The following ARL17B variants were observed in gnomAD, a reference collection of about 807,000 sequenced individuals.
ARL17B encodes the protein ARF like GTPase 17B.
At chr17:46,285,395 C>A (rs555563722) in intron 4 of ARL17B, among the ~76,000 whole-genome samples, 5 of 152,204 alleles carry the variant, frequency 3.3e-5, no homozygotes, top group African/African-American at 9.6e-5. Flanking sequence ...CTCACGCCAC[C>A]ACACCCGACT....
At chr17:46,283,095 G>C (rs948426235) in intron 4 of ARL17B, among the ~76,000 whole-genome samples, 1 of 152,044 alleles carries the variant, frequency 6.6e-6, no homozygotes, top group Admixed American at 6.6e-5. Flanking sequence ...CTCCAGCCTG[G>C]CAACAGGGTG....
rs889037446 is a variant in ARL17B, at chr17:46,335,286, A to AT, written c.*4213dup. Among the ~76,000 whole-genome samples, 5 of 36,820 alleles carry AT rather than the reference A, an allele frequency of 1.4e-4. 2 individuals carry two copies. Among genetic ancestry groups the AT allele is most frequent in the African/African-American group, 2.0e-4 (5 of 24,922 alleles). The allele number at this position is 36,820 out of a possible 152,430, so 24.2% of individuals were successfully genotyped here. On this transcript the variant is annotated 3_prime_UTR_variant, in exon 4 of 4. Coordinates refer to ENST00000450673, the MANE Select transcript of ARL17B (RefSeq NM_001039083.5). The stretch of plus-strand genomic sequence containing the variant: ...GTTGGTTATAAGCAAATATTACACC[A>AT]TTATATGTAAGGGATTGAGCATCCA...
intron 4 of ARL17B, among the ~76,000 whole-genome samples, chr17:46,281,100 TTGTC>T (rs1172529829): frequency 6.6e-6 from 1 of 152,112 alleles, no homozygotes; most frequent in East Asian, 1.9e-4. Flanking sequence ...GTTTTATAGA[TTGTC>T]TGTTTTATCT....
At chr17:46,282,338 C>T (rs62071631) in intron 4 of ARL17B, among the ~76,000 whole-genome samples, 12,853 of 138,710 alleles carry the variant, frequency 0.093, 1 homozygote, top group Non-Finnish European at 0.14. Flanking sequence ...CTCCTGACTT[C>T]GTGATCCGCC....
At chr17:46,282,183 A>C (rs968141969) in intron 4 of ARL17B, among the ~76,000 whole-genome samples, 1 of 151,890 alleles carries the variant, frequency 6.6e-6, no homozygotes, top group African/African-American at 2.4e-5. Context: ...GCTCACTGCA[A>C]GCTCTGTCTC....
At chr17:46,327,701 A>G (rs377723546) in intron 3 of ARL17B, among the ~76,000 whole-genome samples, 6 of 12,480 alleles carry the variant, frequency 4.8e-4, no homozygotes, top group Admixed American at 1.2e-3. Flanking sequence ...ATGTGCATCA[A>G]TGATAATCCT....
intron 4 of ARL17B, among the ~76,000 whole-genome samples, chr17:46,291,917 C>A (rs1370587186): frequency 1.3e-5 from 2 of 149,444 alleles, no homozygotes; most frequent in South Asian, 2.1e-4. Flanking sequence ...GGTGTGATTG[C>A]ACCGCTGCAC....
rs1457541873 is a variant in ARL17B at position 46,304,542 on chromosome 17, T to A, written c.260-4877A>T. 1.6e-4 allele frequency among the ~76,000 whole-genome samples: 12 copies of A among 75,578 alleles called. 5 individuals are homozygous for A. Among genetic ancestry groups the A allele is most frequent in the Non-Finnish European group, 4.8e-4 (12 of 25,210 alleles). 49.6% of individuals were successfully genotyped at this position (75,578 alleles called of 152,430 possible). A position where few individuals can be genotyped will look rare whatever the true frequency, so the allele number is the denominator to read the frequency against. On this transcript the variant is annotated intron_variant, in intron 3 of 4. Coordinates refer to the ARL17B transcript ENST00000434041. ...ATGACTGTGTGCAGGATAGTTTAGG[T>A]AGGGAGAGACTGGAGATGGAGATAT...
At chr17:46,275,744 CGTGT>C (rs913858978) in intron 4 of ARL17B, among the ~76,000 whole-genome samples, 1 of 151,798 alleles carries the variant, frequency 6.6e-6, no homozygotes, top group African/African-American at 2.4e-5. Context: ...GTGAAAGGTG[CGTGT>C]GTGTGTGTAT....
chr17:46,304,646 T>A lies in ARL17B; in HGVS notation c.260-4981A>T, dbSNP rs1411780911. ...CTGTATAACTGAAGAAATTTTTTTT[T>A]ATGAAATATTAAAGCAATACAAAAC... On this transcript the variant is annotated intron_variant, in intron 3 of 4. Coordinates refer to the ARL17B transcript ENST00000434041. Among the ~76,000 whole-genome samples, 25 of 64,504 alleles carry A rather than the reference T, an allele frequency of 3.9e-4. 4 individuals are homozygous for A. Among genetic ancestry groups the A allele is most frequent in the African/African-American group, 9.3e-4 (25 of 26,780 alleles). 42.3% of individuals were successfully genotyped at this position (64,504 alleles called of 152,430 possible). A position where few individuals can be genotyped will look rare whatever the true frequency, so the allele number is the denominator to read the frequency against.
chr17:46,274,617 A>G (rs941171701), downstream of ARL17B, among the ~76,000 whole-genome samples: 5 of 152,356 alleles, frequency 3.3e-5, no homozygotes, highest in African/African-American at 1.2e-4. Flanking sequence ...TAATTAGTTG[A>G]CAAATGAGGG....
chr17:46,302,475 C>A lies in ARL17B; in HGVS notation c.260-2810G>T, dbSNP rs1238785346. On this transcript the variant is annotated intron_variant, in intron 3 of 4. Transcript: ENST00000434041. Reference sequence around the variant, plus strand: ...TGTGGTGGTGGTGGAGAGAGATGGACACAAAAAGGAAAATATAAGAAAAGG... The same window carrying A: ...TGTGGTGGTGGTGGAGAGAGATGGAAACAAAAAGGAAAATATAAGAAAAGG... 1.2e-4 allele frequency among the ~76,000 whole-genome samples: 8 copies of A among 67,154 alleles called. 3 individuals carry two copies. The highest frequency in any genetic ancestry group is 3.5e-4 in the Non-Finnish European group (8 of 22,714). The allele number at this position is 67,154 out of a possible 152,430, so 44.1% of individuals were successfully genotyped here.
chr17:46,281,189 C>T (rs1442755809), intron 4 of ARL17B, among the ~76,000 whole-genome samples: 3 of 151,960 alleles, frequency 2.0e-5, no homozygotes, highest in South Asian at 4.1e-4. Context: ...TCCATTTGTC[C>T]ACCTGGCTTA....
intron 4 of ARL17B, among the ~76,000 whole-genome samples, chr17:46,284,495 T>G (rs2696508): frequency 0.12 from 18,475 of 152,252 alleles, 2 homozygotes; most frequent in Non-Finnish European, 0.18. Flanking sequence ...AGAACTTTTC[T>G]TAGTACAGAA....
Position 46,292,209 on chromosome 17 carries a change from G to A in ARL17B, c.*21+7317C>T, listed in dbSNP as rs1423833990. On this transcript the variant is annotated intron_variant, in intron 4 of 4. Transcript: ENST00000570618. ...TGGCTGGGTGTGGTGGTGGGCACCT[G>A]TAATCCCAGCTACTTGGGAAACTGA... 3.6e-4 allele frequency among the ~76,000 whole-genome samples: 27 copies of A among 75,066 alleles called. 5 individuals are homozygous for A. The highest frequency in any genetic ancestry group is 8.0e-4 in the African/African-American group (24 of 29,824). 49.2% of individuals were successfully genotyped at this position (75,066 alleles called of 152,430 possible). A position where few individuals can be genotyped will look rare whatever the true frequency, so the allele number is the denominator to read the frequency against.
At chr17:46,289,345 T>G (rs955529219) in intron 4 of ARL17B, among the ~76,000 whole-genome samples, 2 of 110,106 alleles carry the variant, frequency 1.8e-5, no homozygotes, top group Non-Finnish European at 4.9e-5. Context: ...GCCCAGCTAC[T>G]TTTTTTTTTG....
intron 3 of ARL17B, among the ~76,000 whole-genome samples, chr17:46,340,604 G>A (rs1187011164): frequency 1.3e-4 from 9 of 69,022 alleles, no homozygotes; most frequent in South Asian, 5.6e-4. Context: ...GTGCAGCAGC[G>A]TGATCTCGGT....
intron 3 of ARL17B, among the ~76,000 whole-genome samples, chr17:46,315,264 C>G (rs1266484370): frequency 3.6e-5 from 3 of 83,654 alleles, no homozygotes; most frequent in African/African-American, 9.5e-5. Flanking sequence ...GTGGCTCATA[C>G]CTGTCATCCT....
chr17:46,317,180 C>CA (rs1567871592), intron 3 of ARL17B, among the ~76,000 whole-genome samples: 2 of 84,334 alleles, frequency 2.4e-5, no homozygotes, highest in Non-Finnish European at 7.1e-5. Flanking sequence ...ACATCCCAGA[C>CA]GGGCATGCCC....
Sources: allele counts gnomAD v4.1 joint callset (sites outside exome capture counted in the v4.1 genomes callset), GRCh38; gene constraint gnomAD v4.1.1; transcripts MANE v1.5; gene names NCBI Gene and HGNC (gene_info 2026-07-23, HGNC 2026-07-21).